Variants in CMSS1 observed in about 807,000 individuals in gnomAD.
The protein encoded by CMSS1 is protein CMSS1.
A neutral mutation model predicts 43.5 loss-of-function variants in CMSS1; 33 were observed. The observed-to-expected ratio is 0.76, with a 90% confidence interval of 0.57 to 1.01. CMSS1 has a LOEUF of 1.01. Among genes scored for constraint, CMSS1 ranks in the 50% least tolerant of loss-of-function variants. The pLI is 0.00. For synonymous variants in CMSS1, 115 were observed against 117.2 expected (o/e 0.98, Z 0.12); for missense variants, 313 against 326.4 (o/e 0.96, Z 0.32).
At chr3:99,920,359 T>C (rs1340306623) in intron 1 of CMSS1, among the ~76,000 whole-genome samples, 2 of 152,152 alleles carry the variant, frequency 1.3e-5, no homozygotes, top group Non-Finnish European at 2.9e-5. Flanking sequence ...ATTTCACTTA[T>C]GGGAAAATTT....
chr3:99,842,606 G>A (rs548380789), intron 1 of CMSS1, among the ~76,000 whole-genome samples: 2 of 151,492 alleles, frequency 1.3e-5, no homozygotes. Flanking sequence ...AAGAAAACTA[G>A]TTTCAGTTTT....
chr3:99,946,250 T>C (rs889426163), intron 1 of CMSS1, among the ~76,000 whole-genome samples: 5 of 152,256 alleles, frequency 3.3e-5, no homozygotes, highest in Admixed American at 2.0e-4. Context: ...TGATAGCTTA[T>C]AAGCTGCTTT....
At chr3:99,926,930 T>G (rs1173841940) in intron 1 of CMSS1, among the ~76,000 whole-genome samples, 1 of 152,206 alleles carries the variant, frequency 6.6e-6, no homozygotes, top group African/African-American at 2.4e-5. Context: ...CCTTACCTCC[T>G]TGCAGTCTGT....
chr3:100,070,588 C>T (rs1398027983), intron 1 of CMSS1, among the ~76,000 whole-genome samples: 1 of 152,118 alleles, frequency 6.6e-6, no homozygotes, highest in Non-Finnish European at 1.5e-5. Context: ...CAAAAGTTGT[C>T]TATGAATAAA....
At chr3:99,849,065 C>T in intron 1 of CMSS1, 1 of 1,614,094 alleles carries the variant, frequency 6.2e-7, no homozygotes, top group Non-Finnish European at 8.5e-7. Flanking sequence ...TGAAGATGGC[C>T]CTCCTTGGAT....
chr3:99,929,769 G>T, intron 1 of CMSS1: 3 of 944,336 alleles, frequency 3.2e-6, no homozygotes, highest in Non-Finnish European at 3.1e-6. Flanking sequence ...AAACTGTAAG[G>T]AATCAAAGAG....
chr3:100,072,751 T>G (rs1354965664), intron 1 of CMSS1, among the ~76,000 whole-genome samples: 1 of 152,220 alleles, frequency 6.6e-6, no homozygotes, highest in Non-Finnish European at 1.5e-5. Context: ...CCTCACTTGA[T>G]AATGTATAGT....
intron 1 of CMSS1, among the ~76,000 whole-genome samples, chr3:100,022,996 T>G (rs1696132920): frequency 6.6e-6 from 1 of 152,184 alleles, no homozygotes; most frequent in African/African-American, 2.4e-5. Context: ...TACTGACATT[T>G]TTGCCTGCTG....
At chr3:100,066,156 A>C (rs2065659790) in intron 1 of CMSS1, among the ~76,000 whole-genome samples, 1 of 152,178 alleles carries the variant, frequency 6.6e-6, no homozygotes, top group Non-Finnish European at 1.5e-5. Flanking sequence ...TTCAAACTGG[A>C]ATTTCTGATA....
At chr3:100,087,935 ATTCTCC>A (rs1402316260) in intron 1 of CMSS1, among the ~76,000 whole-genome samples, 9 of 148,724 alleles carry the variant, frequency 6.1e-5, no homozygotes, top group Non-Finnish European at 1.5e-5. Flanking sequence ...GGTTCAAGCA[ATTCTCC>A]TGCCTCAGCC....
At chr3:100,127,420 C>G (rs2066672379) in intron 1 of CMSS1, among the ~76,000 whole-genome samples, 1 of 152,162 alleles carries the variant, frequency 6.6e-6, no homozygotes, top group Non-Finnish European at 1.5e-5. Flanking sequence ...CAGGATGGCT[C>G]TAAAACCTCC....
chr3:99,991,934 G>A (rs546353711), intron 1 of CMSS1, among the ~76,000 whole-genome samples: 1 of 144,774 alleles, frequency 6.9e-6, no homozygotes, highest in Non-Finnish European at 1.5e-5. Flanking sequence ...ACACACATAT[G>A]TATGTGTATA....
At chr3:99,856,430 T>C (rs116576028) in intron 1 of CMSS1, among the ~76,000 whole-genome samples, 2,690 of 152,300 alleles carry the variant, frequency 0.018, 71 homozygotes, top group African/African-American at 0.061. Context: ...GGAGTACTCA[T>C]ATTCATGTTC....
At chr3:99,880,148 G>T (rs1705674199) in intron 1 of CMSS1, among the ~76,000 whole-genome samples, 1 of 152,162 alleles carries the variant, frequency 6.6e-6, no homozygotes, top group African/African-American at 2.4e-5. Context: ...TGAATGTGGA[G>T]CCAAAGGGGA....
chr3:99,850,275 T>A, intron 1 of CMSS1: 1 of 1,613,976 alleles, frequency 6.2e-7, no homozygotes, highest in Non-Finnish European at 8.5e-7. Flanking sequence ...CTTTGATCCT[T>A]ACTTTTAAAC....
intron 1 of CMSS1, among the ~76,000 whole-genome samples, chr3:99,885,815 TA>T (rs1291309685): frequency 1.3e-5 from 2 of 152,198 alleles, no homozygotes; most frequent in Non-Finnish European, 2.9e-5. Context: ...GGCTTTTGTG[TA>T]CATTTACCAA....
chr3:99,894,241 T>G (rs1450027944), intron 1 of CMSS1, among the ~76,000 whole-genome samples: 2 of 152,208 alleles, frequency 1.3e-5, no homozygotes, highest in Non-Finnish European at 1.5e-5. Flanking sequence ...TAAAATACTC[T>G]TTCAGTGCTA....
chr3:99,932,338 C>G (rs1389489161), intron 1 of CMSS1, among the ~76,000 whole-genome samples: 1 of 151,990 alleles, frequency 6.6e-6, no homozygotes, highest in African/African-American at 2.4e-5. Context: ...TTGAATGTAT[C>G]TTTCTAAAAC....
At chr3:99,891,656 A>T (rs371074914) in intron 1 of CMSS1, among the ~76,000 whole-genome samples, 1 of 152,340 alleles carries the variant, frequency 6.6e-6, no homozygotes, top group East Asian at 1.9e-4. Context: ...CATTAGAACA[A>T]TAATAATCTC....
Sources: gnomAD v4.1 joint callset for allele counts (sites outside exome capture counted in the v4.1 genomes callset) on GRCh38, gnomAD v4.1.1 for gene constraint, MANE v1.5 for transcripts, NCBI Gene and HGNC (gene_info 2026-07-23, HGNC 2026-07-21) for gene names.